The following DCUN1D2 variants were observed in gnomAD, a reference collection of about 807,000 sequenced individuals.
DCUN1D2 encodes the protein defective in cullin neddylation 1 domain containing 2.
DCUN1D2 carries 29 observed loss-of-function variants against 30.9 expected under a neutral mutation model. The ratio of observed to expected loss-of-function variants is 0.94; its 90% CI spans 0.70 to 1.28. The LOEUF (loss-of-function observed/expected upper bound fraction) is 1.28, where lower values mean the gene tolerates loss of function less well. DCUN1D2 is among the 50% of genes most tolerant of loss of function. The pLI is 0.00. For synonymous variants in DCUN1D2, 121 were observed against 115.3 expected, an observed-to-expected ratio of 1.05 and a Z score of -0.32; for missense variants, 325 against 316.9, an observed-to-expected ratio of 1.03 and a Z score of -0.19.
intron 2 of DCUN1D2, among the ~76,000 whole-genome samples, chr13:113,481,814 G>T (rs2044714928): frequency 6.6e-6 from 1 of 151,358 alleles, no homozygotes; most frequent in Non-Finnish European, 1.5e-5. Context: ...AACCCAGGAG[G>T]TGGAGGTTGC....
At chr13:113,459,552 G>A (rs1020494794) in intron 5 of DCUN1D2, 144 bp from the exon 6 acceptor site, 21 of 527,022 alleles carry the variant, frequency 4.0e-5, no homozygotes, top group South Asian at 2.1e-4. Context: ...AAGTAATAGC[G>A]TTCTGTATAA....
chr13:113,489,130 G>T (rs146986297), intron 1 of DCUN1D2: 3 of 981,746 alleles, frequency 3.1e-6, no homozygotes, highest in East Asian at 2.3e-4. Flanking sequence ...AATAAACTAC[G>T]TAAGTTTATG....
intron 4 of DCUN1D2, among the ~76,000 whole-genome samples, chr13:113,466,801 A>AT (rs112063279): frequency 0.043 from 4,720 of 109,626 alleles, 139 homozygotes; most frequent in African/African-American, 0.05. Context: ...TGTCCTTTGG[A>AT]TTTTTTTTTT....
Position 113,488,935 on chromosome 13 carries a change from A to AGT in DCUN1D2, c.3+1730_3+1731dup, listed in dbSNP as rs1177502366. ...CTTGAAATAAAAATCTGGACAATCC[A>AGT]GTGGAAACAGCAAATAAAATCTCTA... On this transcript the variant is annotated intron_variant, in intron 1 of 6. Coordinates refer to ENST00000478244, the MANE Select transcript of DCUN1D2 (RefSeq NM_001014283.2). This position sits in a 1 kb window ranked among gnomAD's most constrained non-coding sequence, Gnocchi z 4.3. Among the ~76,000 whole-genome samples the AGT allele has an allele frequency of 1.3e-5, 2 of 152,270 alleles. No individual in the cohort carries two copies. The highest frequency in any genetic ancestry group is 2.4e-5 in the African/African-American group (1 of 41,478).
upstream of DCUN1D2, chr13:113,491,079 CCTCCCGGA>C (rs893487750): frequency 1.3e-5 from 2 of 152,040 alleles, no homozygotes; most frequent in Non-Finnish European, 2.9e-5. Context: ...GCGGCCGCTC[CCTCCCGGA>C]CTCCCGGCCT....
chr13:113,480,394 A>G, intron 3 of DCUN1D2, 181 bp downstream of exon 3: 1 of 471,228 alleles, frequency 2.1e-6, no homozygotes, highest in South Asian at 5.7e-5. Flanking sequence ...ATAAAGTGTT[A>G]AATTGAAAAT....
At chr13:113,476,366 G>A in intron 3 of DCUN1D2, among the ~76,000 whole-genome samples, 1 of 152,152 alleles carries the variant, frequency 6.6e-6, no homozygotes, top group East Asian at 1.9e-4. Context: ...CACCCAAGAG[G>A]GTGGTTTGTT....
rs113642505 is a variant in DCUN1D2 at position 113,482,113 on chromosome 13, T to C, written c.221-1370A>G. 3.3e-3 allele frequency among the ~76,000 whole-genome samples: 507 copies of C among 152,352 alleles called. 4 individuals are homozygous for C. The highest frequency in any genetic ancestry group is 0.012 in the African/African-American group (479 of 41,590). On this transcript the variant is annotated intron_variant, in intron 2 of 6. Coordinates refer to ENST00000478244, the MANE Select transcript of DCUN1D2 (RefSeq NM_001014283.2). ...CTCAGTAAATTTCATTACAACCGTG[T>C]TCAACATTTCAAGTAATTTTGCAAG...
rs114794451 is a variant in DCUN1D2, at chr13:113,478,442, T to C, written c.389+2133A>G. ...CAAGTCTTTTCAAATAACAAGCTTC[T>C]AGCTTTATTGATCCTTCCTAATGAC... On this transcript the variant is annotated intron_variant, in intron 3 of 6. Coordinates refer to ENST00000478244, the MANE Select transcript of DCUN1D2 (RefSeq NM_001014283.2). 3.3e-3 allele frequency among the ~76,000 whole-genome samples: 506 copies of C among 152,274 alleles called. 2 individuals are homozygous for C. Among genetic ancestry groups the C allele is most frequent in the African/African-American group, 0.012 (479 of 41,570 alleles).
chr13:113,474,826 C>T (rs1054970732), intron 3 of DCUN1D2, among the ~76,000 whole-genome samples: 3 of 152,128 alleles, frequency 2.0e-5, no homozygotes, highest in Non-Finnish European at 4.4e-5. Context: ...ATCATACAAG[C>T]GAAAAACAAA....
chr13:113,485,659 T>A (rs2044789343), intron 1 of DCUN1D2, among the ~76,000 whole-genome samples: 1 of 152,140 alleles, frequency 6.6e-6, no homozygotes, highest in Non-Finnish European at 1.5e-5. Context: ...CCAGAAGTTT[T>A]TTTTTTTTTG....
At chr13:113,476,471 T>A (rs553012969) in intron 3 of DCUN1D2, among the ~76,000 whole-genome samples, 93 of 152,340 alleles carry the variant, frequency 6.1e-4, no homozygotes, top group African/African-American at 2.0e-3. Context: ...CATCCTCTTT[T>A]GTGAAGTGCT....
rs539095244 is a variant in DCUN1D2, at chr13:113,467,141, C to G, written c.521-6005G>C. Among the ~76,000 whole-genome samples, 110 of 152,096 alleles carry G rather than the reference C, an allele frequency of 7.2e-4. 1 individual carries two copies. The highest frequency in any genetic ancestry group is 1.4e-3 in the Non-Finnish European group (92 of 67,974). On this transcript the variant is annotated intron_variant, in intron 4 of 6. Transcript: ENST00000478244. Reference sequence around the variant, plus strand: ...GGATGTTAAACCTCGTTTTTTCCCCCACACAATATAAAAAAACTTAAAGCA... The same window carrying G: ...GGATGTTAAACCTCGTTTTTTCCCCGACACAATATAAAAAAACTTAAAGCA...
intron 4 of DCUN1D2, among the ~76,000 whole-genome samples, chr13:113,464,333 T>C (rs1247140957): frequency 6.6e-6 from 1 of 152,258 alleles, no homozygotes; most frequent in Non-Finnish European, 1.5e-5. Context: ...TTCAATGGCC[T>C]GTTCTGCCAC....
At chr13:113,471,772 G>A (rs1035600217) in intron 4 of DCUN1D2, among the ~76,000 whole-genome samples, 7 of 152,282 alleles carry the variant, frequency 4.6e-5, no homozygotes, top group Middle Eastern at 3.4e-3. Flanking sequence ...TCAAAGGATC[G>A]AAAAGGATTT....
chr13:113,490,502 C>T lies in DCUN1D2; in HGVS notation c.3+165G>A. On this transcript the variant is annotated intron_variant, in intron 1 of 6. Coordinates refer to ENST00000478244, the MANE Select transcript of DCUN1D2 (RefSeq NM_001014283.2). The surrounding 1 kb of genome is among the most constrained non-coding windows in gnomAD (Gnocchi z 5.2). ...CGGTCCCGCGCCTCCGACGCCACCG[C>T]TCCGGCTCGCGGGCCCGCGGCGCGT... The T allele has an allele frequency of 1.3e-6, 1 of 754,432 alleles. No individual in the cohort carries two copies. The highest frequency in any genetic ancestry group is 1.8e-6 in the Non-Finnish European group (1 of 554,228). 46.7% of individuals were successfully genotyped at this position (754,432 alleles called of 1,614,324 possible).
At chr13:113,491,433 C>T (rs1203822494), upstream of DCUN1D2, among the ~76,000 whole-genome samples, 3 of 151,036 alleles carry the variant, frequency 2.0e-5, no homozygotes, top group Admixed American at 2.0e-4. Flanking sequence ...CTGGGGCTCC[C>T]CTCTCTCCCT....
At chr13:113,482,723 T>A (rs1232212367) in intron 2 of DCUN1D2, among the ~76,000 whole-genome samples, 1 of 152,114 alleles carries the variant, frequency 6.6e-6, no homozygotes, top group Non-Finnish European at 1.5e-5. Flanking sequence ...GGCGGGTGGA[T>A]CATGAGGTCA....
upstream of DCUN1D2, chr13:113,490,759 T>A (rs1349919701): frequency 2.9e-5 from 33 of 1,119,162 alleles, no homozygotes; most frequent in Non-Finnish European, 3.4e-5. The surrounding 1 kb of genome is among the most constrained non-coding windows in gnomAD (Gnocchi z 5.2). Context: ...GCCGCGGCCC[T>A]CGGCTCCGGG....
Sources: allele counts gnomAD v4.1 joint callset (sites outside exome capture counted in the v4.1 genomes callset), GRCh38; gene constraint gnomAD v4.1.1; non-coding constraint Gnocchi (gnomAD v3.1); transcripts MANE v1.5; gene names NCBI Gene and HGNC (gene_info 2026-07-23, HGNC 2026-07-21).